RBFOX1: variants seen among roughly 807,000 people sequenced by gnomAD.
The protein encoded by RBFOX1 is RNA binding fox-1 homolog 1.
A neutral mutation model predicts 57.7 loss-of-function variants in RBFOX1; 8 were observed. The ratio of observed to expected loss-of-function variants is 0.14; its 90% confidence interval spans 0.08 to 0.25. The LOEUF is 0.25. Among genes scored for constraint, RBFOX1 ranks in the 10% least tolerant of loss-of-function variants. The probability of loss-of-function intolerance (pLI) is 1.00; values close to 1 mark genes in which losing one functional copy is unlikely to be tolerated. For missense variants in RBFOX1, 611 were observed against 548.5 expected (o/e 1.11, Z -1.14); for synonymous variants, 326 against 222.4 (o/e 1.47, Z -4.15).
intron 2 of RBFOX1, among the ~76,000 whole-genome samples, chr16:6,373,627 A>C (rs1409236291): frequency 6.6e-6 from 1 of 152,100 alleles, no homozygotes; most frequent in Non-Finnish European, 1.5e-5. Context: ...ATCTTTGAGT[A>C]GGAGGATGAT....
At chr16:6,993,613 G>C (rs146878865) in intron 3 of RBFOX1, among the ~76,000 whole-genome samples, 1 of 152,108 alleles carries the variant, frequency 6.6e-6, no homozygotes, top group African/African-American at 2.4e-5. Flanking sequence ...GAGTTTAATT[G>C]TTAAAATTCC....
At position 5,306,073 on chromosome 16, in the gene RBFOX1, C is replaced by T. The variant is rs940214103; in HGVS notation, c.219+65968C>T. On this transcript the variant is annotated intron_variant, in intron 1 of 2. Coordinates refer to the RBFOX1 transcript ENST00000585867. The stretch of plus-strand genomic sequence containing the variant: ...AAAAGCAACTAGGCATGGTGGAGTG[C>T]ACTGGGAGTCCCAGCTACTTGGGAG... 7.1e-5 allele frequency among the ~76,000 whole-genome samples: 9 copies of T among 127,462 alleles called. No homozygotes were observed. The East Asian group carries it at 1.7e-3, about 24-fold the overall frequency. 83.6% of individuals were successfully genotyped at this position (127,462 alleles called of 152,430 possible).
chr16:7,176,360 C>T (rs1290238510), intron 4 of RBFOX1, among the ~76,000 whole-genome samples: 1 of 151,894 alleles, frequency 6.6e-6, no homozygotes, highest in Non-Finnish European at 1.5e-5. Context: ...GGAAGAATGC[C>T]TGGCATATAG....
intron 1 of RBFOX1, among the ~76,000 whole-genome samples, chr16:5,426,358 T>C (rs1466582419): frequency 6.6e-6 from 1 of 152,068 alleles, no homozygotes; most frequent in African/African-American, 2.4e-5. Context: ...TTTTTATTTT[T>C]GGAAATGAAT....
At chr16:5,861,927 A>G (rs1328305123) in intron 3 of RBFOX1, among the ~76,000 whole-genome samples, 2 of 152,100 alleles carry the variant, frequency 1.3e-5, no homozygotes, top group Non-Finnish European at 2.9e-5. Context: ...CTGTGGGGGG[A>G]ATGGAGGAGA....
intron 3 of RBFOX1, among the ~76,000 whole-genome samples, chr16:6,694,818 A>G (rs2060775518): frequency 6.6e-6 from 1 of 152,242 alleles, no homozygotes; most frequent in African/African-American, 2.4e-5. Context: ...CTGTGACGGA[A>G]CACAGTGATT....
chr16:6,050,612 C>T (rs1377490755), intron 1 of RBFOX1, among the ~76,000 whole-genome samples: 2 of 152,040 alleles, frequency 1.3e-5, no homozygotes, highest in African/African-American at 4.8e-5. Flanking sequence ...ATCCATTGAC[C>T]ATGGATGCTC....
intron 1 of RBFOX1, among the ~76,000 whole-genome samples, chr16:5,296,241 A>G (rs942498908): frequency 6.6e-6 from 1 of 152,200 alleles, no homozygotes; most frequent in Non-Finnish European, 1.5e-5. Context: ...GAAAAGCAGC[A>G]TCTGCATCTG....
Position 6,253,588 on chromosome 16 carries a change from A to G in RBFOX1, c.-126-63407A>G, listed in dbSNP as rs534410715. On this transcript the variant is annotated intron_variant, in intron 1 of 15. Coordinates refer to ENST00000550418, the MANE Select transcript of RBFOX1 (RefSeq NM_018723.4). Reference sequence around the variant, plus strand: ...CCAATCAAAGCTTGATCAATGGTTGATGATAGATAGATAGATGGATAGATG... The same window carrying G: ...CCAATCAAAGCTTGATCAATGGTTGGTGATAGATAGATAGATGGATAGATG... 2.1e-4 allele frequency among the ~76,000 whole-genome samples: 30 copies of G among 143,188 alleles called. 1 individual carries two copies. Among genetic ancestry groups the G allele is most frequent in the Non-Finnish European group, 4.0e-4 (26 of 64,402 alleles). 93.9% of individuals were successfully genotyped at this position (143,188 alleles called of 152,430 possible).
intron 4 of RBFOX1, among the ~76,000 whole-genome samples, chr16:5,983,148 G>A (rs138222344): frequency 1.2e-4 from 18 of 152,266 alleles, no homozygotes; most frequent in Middle Eastern, 3.4e-3. Context: ...CCAGCTCTGC[G>A]TCCCTGCCCC....
chr16:7,314,215 A>G (rs140207689), intron 4 of RBFOX1, among the ~76,000 whole-genome samples: 4 of 152,220 alleles, frequency 2.6e-5, no homozygotes, highest in Non-Finnish European at 5.9e-5. Flanking sequence ...TCTCTGTTGT[A>G]CTGGGGAGCT....
Position 5,569,358 on chromosome 16 carries a change from C to G in RBFOX1, c.259-29544C>G, listed in dbSNP as rs183139666. Among the ~76,000 whole-genome samples the G allele has an allele frequency of 2.7e-5, 4 of 148,382 alleles. No individual in the cohort carries two copies. The Admixed American group carries it at 2.7e-4, about 10-fold the overall frequency. On this transcript the variant is annotated intron_variant, in intron 2 of 2. Transcript: ENST00000585867. ...CAGGCAAATCACTTCCACTGGCTAA[C>G]GCTCTGATTACTTCTCTGTGAAACA...
At chr16:6,272,176 T>G (rs1324333861) in intron 1 of RBFOX1, among the ~76,000 whole-genome samples, 1 of 152,166 alleles carries the variant, frequency 6.6e-6, no homozygotes, top group Non-Finnish European at 1.5e-5. Context: ...ACCCTACCAA[T>G]AGGCTGAAGA....
intron 4 of RBFOX1, among the ~76,000 whole-genome samples, chr16:7,186,400 A>G (rs2083815715): frequency 1.2e-5 from 1 of 85,024 alleles, no homozygotes; most frequent in Non-Finnish European, 2.0e-5. Context: ...ATATAAATAT[A>G]AACATAAACA....
intron 3 of RBFOX1, among the ~76,000 whole-genome samples, chr16:6,729,010 A>G (rs2067900117): frequency 2.0e-5 from 3 of 152,300 alleles, no homozygotes; most frequent in South Asian, 4.1e-4. Context: ...AATACAGTCA[A>G]CAAATCATAC....
chr16:5,993,694 TG>T (rs1290370251), intron 4 of RBFOX1, among the ~76,000 whole-genome samples: 3 of 152,184 alleles, frequency 2.0e-5, no homozygotes, highest in African/African-American at 7.2e-5. Flanking sequence ...GTTGTGTCGC[TG>T]CATTAATTAA....
intron 2 of RBFOX1, among the ~76,000 whole-genome samples, chr16:6,381,216 A>T (rs548603350): frequency 6.6e-6 from 1 of 152,240 alleles, no homozygotes; most frequent in Admixed American, 6.5e-5. Flanking sequence ...TGTAAGTACA[A>T]ATTTCTCATG....
At chr16:5,940,985 C>T (rs1360606498) in intron 4 of RBFOX1, among the ~76,000 whole-genome samples, 1 of 152,150 alleles carries the variant, frequency 6.6e-6, no homozygotes, top group African/African-American at 2.4e-5. Flanking sequence ...GAGTCTGTTT[C>T]CTCATCTTTA....
At chr16:6,914,496 C>G (rs937188114) in intron 3 of RBFOX1, among the ~76,000 whole-genome samples, 1 of 151,998 alleles carries the variant, frequency 6.6e-6, no homozygotes, top group African/African-American at 2.4e-5. Context: ...CACCTCCTAC[C>G]TGAGCCACCT....
Sources: gnomAD v4.1 joint callset for allele counts (sites outside exome capture counted in the v4.1 genomes callset) on GRCh38, gnomAD v4.1.1 for gene constraint, MANE v1.5 for transcripts, NCBI Gene and HGNC (gene_info 2026-07-23, HGNC 2026-07-21) for gene names.